The following FPGS variants were observed in gnomAD, a reference collection of about 807,000 sequenced individuals.
FPGS encodes folylpolyglutamate synthase.
A neutral mutation model predicts 66.5 loss-of-function variants in FPGS; 53 were observed. That is an observed-to-expected ratio of 0.80 (90% CI 0.64 to 1.00). FPGS has a LOEUF of 1.00. FPGS is among the 50% of genes least tolerant of loss of function. FPGS has a pLI of 0.00. For missense variants in FPGS, 702 were observed against 807.7 expected, an observed-to-expected ratio of 0.87 and a Z score of 1.59; for synonymous variants, 348 against 350.9, an observed-to-expected ratio of 0.99 and a Z score of 0.09.
intron 14 of FPGS, among the ~76,000 whole-genome samples, chr9:127,811,903 T>A (rs982252895): frequency 6.6e-6 from 1 of 152,170 alleles, no homozygotes; most frequent in Non-Finnish European, 1.5e-5. Context: ...TGTATAAGTA[T>A]GTGAGTACTG....
rs1449019605 is a variant in FPGS at position 127,807,234 on chromosome 9, C to G, written c.527C>G (p.Pro176Arg). 4 of 1,614,072 alleles carry G rather than the reference C, an allele frequency of 2.5e-6. No individual in the cohort carries two copies. The African/African-American group carries it at 4.0e-5, about 16-fold the overall frequency. ...TKDGSCVSMPPYFRFLTLMAF... is the reference protein window; with the variant it reads ...TKDGSCVSMPRYFRFLTLMAF... Reference sequence around the variant, plus strand: ...GATGGCAGCTGTGTCTCCATGCCCCCCTACTTCCGCTTCCTGACACTCATG... The same window carrying G: ...GATGGCAGCTGTGTCTCCATGCCCCGCTACTTCCGCTTCCTGACACTCATG... The change falls in exon 6 of 15, where the codon CCC (proline) becomes CGC (arginine). Residue 176 changes from proline to arginine, a missense_variant. Physicochemically the swap from Pro to Arg is moderately radical, Grantham distance 103. This residue lies in a region of FPGS where 240 missense variants were observed against 348.6 expected (regional missense o/e 0.69). Transcript: ENST00000373247. The surrounding 1 kb of genome is among the most constrained non-coding windows in gnomAD (Gnocchi z 5.8).
At chr9:127,809,866 C>A in intron 12 of FPGS, 32 bp downstream of exon 12, 6 of 1,201,362 alleles carry the variant, frequency 5.0e-6, no homozygotes, top group Non-Finnish European at 6.8e-6. Flanking sequence ...GGGGCCGGGG[C>A]TGGCCCACGA....
At chr9:127,804,581 T>C (rs760822850) in intron 3 of FPGS, 29 bp downstream of exon 3, 10 of 1,613,438 alleles carry the variant, frequency 6.2e-6, no homozygotes, top group Non-Finnish European at 8.5e-6. Flanking sequence ...GGGTAGGGGG[T>C]CTATTAAGTG....
Position 127,807,254 on chromosome 9 carries a change from C to G in FPGS, c.547C>G (p.Leu183Val), listed in dbSNP as rs1564442657. The G allele has an allele frequency of 1.2e-6, 2 of 1,614,202 alleles. No individual in the cohort carries two copies. ...SMPPYFRFLT[L>V]MAFHVFLQEK... ...GCCCCCCTACTTCCGCTTCCTGACACTCATGGCCTTCCACGTCTTCCTCCA... is the reference window on the plus strand; with the variant it reads ...GCCCCCCTACTTCCGCTTCCTGACAGTCATGGCCTTCCACGTCTTCCTCCA... The change falls in exon 6 of 15, where the codon CTC becomes GTC. Residue 183 changes from leucine (L) to valine (V), a missense_variant. By Grantham distance (32) the Leu-to-Val change is conservative (BLOSUM62 1). Transcript: ENST00000373247. The surrounding 1 kb of genome is among the most constrained non-coding windows in gnomAD (Gnocchi z 5.8).
At chr9:127,810,910 G>A (rs533901441) in intron 13 of FPGS, 35 bp from the exon 14 acceptor site, 7 of 1,259,280 alleles carry the variant, frequency 5.6e-6, no homozygotes, top group Non-Finnish European at 7.9e-6. Flanking sequence ...ATCCTTTCGG[G>A]GGTCTGACAC....
Position 127,802,976 on chromosome 9 carries a change from T to C in FPGS, c.52T>C (p.Ser18Pro). The change falls in exon 1 of 15, where the codon TCT (serine) becomes CCT (proline). Residue 18 changes from serine (S) to proline (P), a missense_variant. Physicochemically the swap from Ser to Pro is moderately conservative, Grantham distance 74 (BLOSUM62 -1). Around this residue, in one of 3 missense-constraint regions of FPGS, gnomAD observed 111 missense variants for 95.4 expected, o/e 1.16. Transcript: ENST00000373247. ...CGCCGCTCTATTCCTGGCAGCGGCG[T>C]CTGCGCGCGGCATAACGACCCAGGT... ...LRAALFLAAA[S>P]ARGITTQVAA... The C allele has an allele frequency of 6.9e-7, 1 of 1,459,528 alleles. No individual in the cohort carries two copies. The highest frequency in any genetic ancestry group is 1.3e-5 in the South Asian group (1 of 74,784). 90.4% of individuals were successfully genotyped at this position (1,459,528 alleles called of 1,614,324 possible).
At chr9:127,811,480 CAAA>C (rs10671024) in intron 14 of FPGS, among the ~76,000 whole-genome samples, 1 of 144,124 alleles carries the variant, frequency 6.9e-6, no homozygotes, top group African/African-American at 2.6e-5. Flanking sequence ...GAGACTGTCT[CAAA>C]AAAAAAAAAA....
Position 127,808,615 on chromosome 9 carries a change from A to G in FPGS, c.880A>G (p.Thr294Ala), listed in dbSNP as rs2230270. The change falls in exon 10 of 15, where the codon ACC (threonine) becomes GCC (alanine). Residue 294 changes from threonine (T) to alanine (A), a missense_variant. Thr to Ala is a moderately conservative substitution (Grantham distance 58, BLOSUM62 0). Around this residue, in one of 3 missense-constraint regions of FPGS, gnomAD observed 240 missense variants for 348.6 expected, o/e 0.69. Transcript: ENST00000373247. ...CCTCGAGGAAGGGGGGCCGCCGCTG[A>G]CCCTGGGCCTGGAGGGGGAGCACCA... ...EALEEGGPPL[T>A]LGLEGEHQRS... 1.1e-4 allele frequency: 181 copies of G among 1,612,008 alleles called. 1 individual carries two copies. The African/African-American group carries it at 2.1e-3, about 19-fold the overall frequency.
chr9:127,804,610 GC>G lies in FPGS; in HGVS notation c.322-23del, dbSNP rs772486168. On this transcript the variant is annotated intron_variant, in intron 3 of 14. Transcript: ENST00000373247. ...TTAAGTGGCTGGTGGAGTAGAGCCT[GC>G]CCAGACAATCCCTTTTCTTTCAAGG... 1.3e-5 allele frequency: 21 copies of G among 1,614,054 alleles called. No homozygotes were observed. In the East Asian group the frequency reaches 4.7e-4, roughly 36 times the overall value.
chr9:127,808,029 C>T (rs1829889813), intron 8 of FPGS: 1 of 583,774 alleles, frequency 1.7e-6, no homozygotes, highest in African/African-American at 1.9e-5. Context: ...TCACTCGAAC[C>T]CGGGAGGCAG....
chr9:127,813,590 G>C lies in FPGS; in HGVS notation c.1750G>C (p.Ala584Pro). ...TGGTGTCCTGAAGCTGCTGGAGCCC[G>C]CACTGTCCCAGTAGCCAAGGCCCGG... ...VGGVLKLLEP[A>P]LSQ Residue 584 changes from alanine to proline, a missense_variant, in exon 15 of 15, where the codon GCA (alanine) becomes CCA (proline). Physicochemically the swap from Ala to Pro is conservative, Grantham distance 27. Transcript: ENST00000373247. 2.0e-6 allele frequency: 3 copies of C among 1,535,468 alleles called. No individual in the cohort carries two copies. The highest frequency in any genetic ancestry group is 2.6e-6 in the Non-Finnish European group (3 of 1,139,048).
In FPGS at chr9:127,813,910, G is replaced by C; in HGVS notation, c.*306G>C. The stretch of plus-strand genomic sequence containing the variant: ...TCCTGGCTCAGGCCCAGCTTATTGT[G>C]TGCGCTGCCTGGCCAGGCCCTGGGT... On this transcript the variant is annotated 3_prime_UTR_variant, in exon 15 of 15. Coordinates refer to ENST00000373247, the MANE Select transcript of FPGS (RefSeq NM_004957.6). 1 of 1,162,380 alleles carries C rather than the reference G, an allele frequency of 8.6e-7. No individual in the cohort carries two copies. The highest frequency in any genetic ancestry group is 1.1e-6 in the Non-Finnish European group (1 of 943,894). 72.0% of individuals were successfully genotyped at this position (1,162,380 alleles called of 1,614,324 possible). A position where few individuals can be genotyped will look rare whatever the true frequency, so the allele number is the denominator to read the frequency against.
chr9:127,813,200 C>T lies in FPGS; in HGVS notation c.1360C>T (p.Gln454Ter). The T allele has an allele frequency of 6.3e-7, 1 of 1,576,024 alleles. No homozygotes were observed. Among genetic ancestry groups the T allele is most frequent in the Non-Finnish European group, 8.6e-7 (1 of 1,157,130 alleles). The change falls in exon 15 of 15, where the codon CAG becomes TAG. Residue 454 changes from glutamine (Q) to a stop codon, truncating the protein, a stop_gained. Coordinates refer to ENST00000373247, the MANE Select transcript of FPGS (RefSeq NM_004957.6). LOFTEE classifies it low-confidence loss of function (END_TRUNC). ...CCTTTCTCTGTGCCCCACAGACCAACAGAACTTCACAGTGACACTGGACCA... is the reference window on the plus strand; with the variant it reads ...CCTTTCTCTGTGCCCCACAGACCAATAGAACTTCACAGTGACACTGGACCA... Reference protein sequence around the residue: ...EVSSTGNADQQNFTVTLDQVL... With the variant: ...EVSSTGNADQ
chr9:127,804,225 C>A, intron 1 of FPGS, 60 bp from the exon 2 acceptor site: 1 of 1,584,866 alleles, frequency 6.3e-7, no homozygotes, highest in Non-Finnish European at 8.6e-7. Context: ...TGCTGGCTGT[C>A]TCTGTGCCTG....
Position 127,803,427 on chromosome 9 carries a change from C to G in FPGS, c.138+365C>G, listed in dbSNP as rs78924945. 1.6e-3 allele frequency: 1,600 copies of G among 1,030,004 alleles called. 2 individuals carry two copies. Among genetic ancestry groups the G allele is most frequent in the Non-Finnish European group, 1.8e-3 (1,555 of 859,252 alleles). The allele number at this position is 1,030,004 out of a possible 1,614,324, so 63.8% of individuals were successfully genotyped here. On this transcript the variant is annotated intron_variant, in intron 1 of 14. Transcript: ENST00000373247. Reference sequence around the variant, plus strand: ...AGGGTAGGGAAGAGACTCAGGAATTCAGGCTTGAAAGATCCAGGAGTATTG... The same window carrying G: ...AGGGTAGGGAAGAGACTCAGGAATTGAGGCTTGAAAGATCCAGGAGTATTG...
chr9:127,813,871 A>C lies in FPGS; in HGVS notation c.*267A>C. ...CTGGCCGTTCAGCCTGTCTCCCCCA[A>C]CACCCCGCCTGCCTCCTGGCTCAGG... On this transcript the variant is annotated 3_prime_UTR_variant, in exon 15 of 15. Coordinates refer to ENST00000373247, the MANE Select transcript of FPGS (RefSeq NM_004957.6). The C allele has an allele frequency of 8.3e-7, 1 of 1,201,672 alleles. No individual in the cohort carries two copies. 74.4% of individuals were successfully genotyped at this position (1,201,672 alleles called of 1,614,324 possible). A position where few individuals can be genotyped will look rare whatever the true frequency, so the allele number is the denominator to read the frequency against.
At position 127,804,432 on chromosome 9, in the gene FPGS, G is replaced by A. The variant is rs1829726980; in HGVS notation, c.267+19G>A. Reference sequence around the variant, plus strand: ...GCTGCAGGTAAGGTAGAGAGGGCCTGTGACCACCTCCCACCCCCATTTGTG... The same window carrying A: ...GCTGCAGGTAAGGTAGAGAGGGCCTATGACCACCTCCCACCCCCATTTGTG... On this transcript the variant is annotated intron_variant, in intron 2 of 14. Coordinates refer to ENST00000373247, the MANE Select transcript of FPGS (RefSeq NM_004957.6). 6.2e-7 allele frequency: 1 copy of A among 1,613,974 alleles called. No individual in the cohort carries two copies. The highest frequency in any genetic ancestry group is 1.3e-5 in the African/African-American group (1 of 74,932).
In FPGS at chr9:127,811,843, C is replaced by A. The variant is rs187667162; in HGVS notation, c.1354+832C>A. Reference sequence around the variant, plus strand: ...ATAGAAAATACCAGTGTACGTTGCACAGAGTAAGGGTAGGTCCTGTTTGGT... The same window carrying A: ...ATAGAAAATACCAGTGTACGTTGCAAAGAGTAAGGGTAGGTCCTGTTTGGT... On this transcript the variant is annotated intron_variant, in intron 14 of 14. Transcript: ENST00000373247. Among the ~76,000 whole-genome samples the A allele has an allele frequency of 8.9e-4, 135 of 152,208 alleles. 3 individuals carry two copies. Among genetic ancestry groups the A allele is most frequent in the Admixed American group, 8.2e-3 (126 of 15,286 alleles).
At chr9:127,806,093 G>C (rs932278124) in intron 4 of FPGS, among the ~76,000 whole-genome samples, 1 of 152,210 alleles carries the variant, frequency 6.6e-6, no homozygotes, top group Non-Finnish European at 1.5e-5. Flanking sequence ...TTTGGGCCAG[G>C]CGTGGTGGCT....
Sources: gnomAD v4.1 joint callset for allele counts (sites outside exome capture counted in the v4.1 genomes callset) on GRCh38, gnomAD v4.1.1 for gene constraint, gnomAD v4.1.1 regional missense constraint, Gnocchi (gnomAD v3.1) non-coding constraint, MANE v1.5 for transcripts, NCBI Gene and HGNC (gene_info 2026-07-23, HGNC 2026-07-21) for gene names.